The following PPFIA2 variants were observed in gnomAD, a reference collection of about 807,000 sequenced individuals.
PPFIA2 encodes the protein PPFI scaffold protein A2, also known as liprin-alpha-2.
PPFIA2 carries 46 observed loss-of-function variants against 175.5 expected under a neutral mutation model. The ratio of observed to expected loss-of-function variants is 0.26; its 90% CI spans 0.21 to 0.34. The LOEUF (loss-of-function observed/expected upper bound fraction) is 0.34, where lower values mean the gene tolerates loss of function less well. Among genes scored for constraint, PPFIA2 ranks in the 10% least tolerant of loss-of-function variants. The pLI, the probability that PPFIA2 is intolerant of heterozygous loss-of-function variation, is 1.00. For synonymous variants in PPFIA2, 568 were observed against 511.4 expected, an observed-to-expected ratio of 1.11 and a Z score of -1.49; for missense variants, 1,179 against 1,506.1, an observed-to-expected ratio of 0.78 and a Z score of 3.60.
intron 3 of PPFIA2, among the ~76,000 whole-genome samples, chr12:81,743,113 G>A (rs531681500): frequency 7.2e-5 from 11 of 151,836 alleles, no homozygotes; most frequent in South Asian, 4.2e-4. Context: ...AAGAACAGAC[G>A]TAGCCAATTA....
At chr12:81,308,546 T>A (rs2049930606) in intron 22 of PPFIA2, among the ~76,000 whole-genome samples, 2 of 152,172 alleles carry the variant, frequency 1.3e-5, no homozygotes. Flanking sequence ...TTTTCATAAC[T>A]GAAAAATGAG....
At chr12:81,428,135 A>G (rs1337234806) in intron 7 of PPFIA2, among the ~76,000 whole-genome samples, 1 of 151,996 alleles carries the variant, frequency 6.6e-6, no homozygotes, top group Non-Finnish European at 1.5e-5. Flanking sequence ...TGATCAAAGT[A>G]TTAATATCAA....
chr12:81,477,368 A>G (rs948694253), intron 4 of PPFIA2, among the ~76,000 whole-genome samples: 2 of 152,184 alleles, frequency 1.3e-5, no homozygotes, highest in Non-Finnish European at 2.9e-5. Flanking sequence ...ACAGAGAATG[A>G]TTATGAAGAA....
At chr12:81,732,773 T>G (rs890958593) in intron 3 of PPFIA2, among the ~76,000 whole-genome samples, 2 of 151,580 alleles carry the variant, frequency 1.3e-5, no homozygotes, top group African/African-American at 2.4e-5. Flanking sequence ...GAGAATAGCA[T>G]CTTTCTCTTA....
chr12:81,373,169 G>T (rs2035588128), intron 11 of PPFIA2, among the ~76,000 whole-genome samples: 1 of 151,724 alleles, frequency 6.6e-6, no homozygotes, highest in African/African-American at 2.4e-5. Flanking sequence ...GGGGGAAATT[G>T]CAGATTTTCT....
chr12:81,544,326 T>G (rs2066662069), intron 4 of PPFIA2, among the ~76,000 whole-genome samples: 1 of 152,162 alleles, frequency 6.6e-6, no homozygotes, highest in Admixed American at 6.6e-5. Context: ...TCCCCAGAAC[T>G]GATGGTTATA....
chr12:81,275,493 C>A (rs1400860858), intron 28 of PPFIA2, among the ~76,000 whole-genome samples: 3 of 151,718 alleles, frequency 2.0e-5, no homozygotes, highest in Admixed American at 6.6e-5. Context: ...ATTATAGAAA[C>A]CTAAAAAAAA....
chr12:81,281,131 C>A, intron 27 of PPFIA2, 126 bp downstream of exon 27: 1 of 763,168 alleles, frequency 1.3e-6, no homozygotes, highest in Non-Finnish European at 2.0e-6. Flanking sequence ...TAGATGTATA[C>A]AAACGATGTT....
intron 4 of PPFIA2, among the ~76,000 whole-genome samples, chr12:81,576,909 G>T (rs1375972126): frequency 1.3e-5 from 2 of 151,708 alleles, no homozygotes; most frequent in Non-Finnish European, 3.0e-5. Flanking sequence ...CCATTCATTT[G>T]TTTTTGACAC....
intron 8 of PPFIA2, among the ~76,000 whole-genome samples, chr12:81,403,342 AAT>A (rs2042375903): frequency 6.6e-6 from 1 of 152,214 alleles, no homozygotes; most frequent in African/African-American, 2.4e-5. Flanking sequence ...GACAAATATC[AAT>A]TATGCATAAA....
intron 4 of PPFIA2, among the ~76,000 whole-genome samples, chr12:81,674,832 C>T (rs1578964): frequency 0.044 from 6,711 of 152,006 alleles, 302 homozygotes; most frequent in East Asian, 0.25. Flanking sequence ...ACCCTAGATA[C>T]TATTGGGCTA....
At chr12:81,328,764 C>T (rs1374269042) in intron 21 of PPFIA2, among the ~76,000 whole-genome samples, 1 of 151,134 alleles carries the variant, frequency 6.6e-6, no homozygotes, top group East Asian at 1.9e-4. Context: ...TCTAAACATC[C>T]TTCATTAAAT....
At chr12:81,478,136 C>T (rs752650495) in intron 4 of PPFIA2, among the ~76,000 whole-genome samples, 19 of 151,908 alleles carry the variant, frequency 1.3e-4, no homozygotes, top group African/African-American at 3.9e-4. Flanking sequence ...GGTTAGTCTT[C>T]GGAGGGTGTA....
intron 16 of PPFIA2, among the ~76,000 whole-genome samples, chr12:81,357,524 G>T (rs995867457): frequency 1.3e-5 from 2 of 152,102 alleles, no homozygotes; most frequent in African/African-American, 4.8e-5. Flanking sequence ...TGAATGGAAG[G>T]CTAGCACTGC....
intron 4 of PPFIA2, among the ~76,000 whole-genome samples, chr12:81,482,481 A>G (rs1390259802): frequency 6.6e-6 from 1 of 152,160 alleles, no homozygotes; most frequent in Non-Finnish European, 1.5e-5. Context: ...AAGGCTTGGA[A>G]CCCACCCATA....
chr12:81,328,834 T>TA (rs2055439714), intron 21 of PPFIA2, among the ~76,000 whole-genome samples: 2 of 150,166 alleles, frequency 1.3e-5, no homozygotes, highest in South Asian at 2.1e-4. Flanking sequence ...TTTTTTTTTT[T>TA]AAACAGGGTC....
chr12:81,286,108 C>G (rs2043290020), intron 24 of PPFIA2, among the ~76,000 whole-genome samples: 2 of 151,902 alleles, frequency 1.3e-5, no homozygotes, highest in Admixed American at 6.6e-5. Flanking sequence ...AATGAAATAG[C>G]AGAAAGCTTA....
At chr12:81,676,904 G>GT (rs1596307968) in intron 3 of PPFIA2, 60 bp from the exon 4 acceptor site, 1 of 1,186,806 alleles carries the variant, frequency 8.4e-7, no homozygotes, top group Non-Finnish European at 1.2e-6. Context: ...GAATCCCCCA[G>GT]TCCCACAGTG....
In PPFIA2 at chr12:81,258,821, T is replaced by C. The variant is rs1478880868; in HGVS notation, c.*873A>G. ...CAGTACTGGCTGGCATTTCAAGATA[T>C]TTGAATGAACATGTGGTTCTTAGTA... On this transcript the variant is annotated 3_prime_UTR_variant, in exon 33 of 33. Transcript: ENST00000549396. 6.6e-6 allele frequency: 1 copy of C among 152,110 alleles called. No individual in the cohort carries two copies. Among genetic ancestry groups the C allele is most frequent in the Non-Finnish European group, 1.5e-5 (1 of 68,040 alleles). The allele number at this position is 152,110 out of a possible 1,614,324, so 9.4% of individuals were successfully genotyped here.
Sources: allele counts gnomAD v4.1 joint callset (sites outside exome capture counted in the v4.1 genomes callset), GRCh38; gene constraint gnomAD v4.1.1; transcripts MANE v1.5; gene names NCBI Gene and HGNC (gene_info 2026-07-23, HGNC 2026-07-21).